EVPL: variants seen among roughly 807,000 people sequenced by gnomAD.
The protein encoded by EVPL is envoplakin.
In EVPL, 94 loss-of-function variants were observed where a neutral mutation model predicts 129.7. The ratio of observed to expected loss-of-function variants is 0.72; its 90% CI spans 0.61 to 0.86. The LOEUF (loss-of-function observed/expected upper bound fraction) is 0.86. EVPL is among the 40% of genes least tolerant of loss of function. EVPL has a pLI of 0.00. For synonymous variants in EVPL, 1,172 were observed against 1,191.1 expected (o/e 0.98, Z 0.33); for missense variants, 2,625 against 2,721.1 (o/e 0.96, Z 0.79).
At chr17:76,011,115 C>T (rs2066373572) in intron 21 of EVPL, among the ~76,000 whole-genome samples, 2 of 152,368 alleles carry the variant, frequency 1.3e-5, no homozygotes, top group South Asian at 4.1e-4. Context: ...CTCCCTGTCC[C>T]TCCAGAACCT....
At chr17:76,018,795 T>C in intron 11 of EVPL, 119 bp downstream of exon 11, 1 of 1,294,660 alleles carries the variant, frequency 7.7e-7, no homozygotes. Context: ...AGGGAAGGAG[T>C]AGGGCAAAAG....
At position 76,010,284 on chromosome 17, in the gene EVPL, C is replaced by T. The variant is rs765599017; in HGVS notation, c.2921G>A (p.Arg974Lys). ...RDPQLEGSLS[R>K]VKAQVEEEGK... is the part of the protein sequence containing the mutation. The stretch of plus-strand genomic sequence containing the variant: ...CTCCTCCTCCACCTGGGCCTTCACC[C>T]TGGACAGGCTGCCCTCCAGCTGGGG... The change falls in exon 22 of 22, where the codon AGG becomes AAG. Residue 974 changes from arginine to lysine, a missense_variant. Arg to Lys is a conservative substitution (Grantham distance 26). Transcript: ENST00000301607. 6.2e-7 allele frequency: 1 copy of T among 1,613,982 alleles called. No individual in the cohort carries two copies. The highest frequency in any genetic ancestry group is 1.7e-5 in the Admixed American group (1 of 60,014).
Position 76,007,248 on chromosome 17 carries a change from A to G in EVPL, c.5957T>C (p.Ile1986Thr), listed in dbSNP as rs145759378. Residue 1986 changes from isoleucine (I) to threonine (T), a missense_variant, in exon 22 of 22, where the codon ATC becomes ACC. Coordinates refer to ENST00000301607, the MANE Select transcript of EVPL (RefSeq NM_001988.4). The surrounding 1 kb of genome is among the most constrained non-coding windows in gnomAD (Gnocchi z 8.8). ...CTTGTAGCTCAGCCGTTCCTTGGAG[A>G]TGGGGTCTGTCAAATCCTTCTCGTA... The part of the protein sequence containing the change: ...SSYEKDLTDP[I>T]SKERLSYKEA... 8.3e-4 allele frequency: 1,297 copies of G among 1,568,346 alleles called. 7 individuals are homozygous for G. The African/African-American group carries it at 0.016, about 19-fold the overall frequency.
chr17:76,011,906 A>G lies in EVPL; in HGVS notation c.2458-24T>C, dbSNP rs777994331. 6 of 1,610,742 alleles carry G rather than the reference A, an allele frequency of 3.7e-6. No homozygotes were observed. In the South Asian group the frequency reaches 6.6e-5, roughly 18 times the overall value. On this transcript the variant is annotated intron_variant, in intron 19 of 21. Transcript: ENST00000301607. ...TCCTGAGCAGGGAGGAAAGGACAGC[A>G]GGCTGGCAACCAGTGGGGGAGGCTG... is the stretch of plus-strand genomic sequence containing the variant.
Position 76,007,472 on chromosome 17 carries a change from G to A in EVPL, c.5733C>T (p.Thr1911=), listed in dbSNP as rs758723132. The A allele has an allele frequency of 1.2e-6, 2 of 1,610,828 alleles. No individual in the cohort carries two copies. Among genetic ancestry groups the A allele is most frequent in the Admixed American group, 3.3e-5 (2 of 59,986 alleles). Residue 1911 remains threonine (T), a synonymous_variant, in exon 22 of 22, where the codon ACC becomes ACT. Coordinates refer to ENST00000301607, the MANE Select transcript of EVPL (RefSeq NM_001988.4). This position sits in a 1 kb window ranked among gnomAD's most constrained non-coding sequence, Gnocchi z 8.8. ...CCTCGCCCACCGAGAGCCTCTTCTT[G>A]GTGACGGGGTCCTCGATGCCGGTGA... is the stretch of plus-strand genomic sequence containing the variant. ...KAFTGIEDPV[T]KKRLSVGEAV...
chr17:76,027,123 CT>C lies in EVPL; in HGVS notation c.75del (p.Gly26AlafsTer44). ...TACCGGCTGTGCCTGCTGGGGGAGC[CT>C]TTGGGGGACCCCTTGGCGGGGGAGC... ...PKGSPAKGSP[K>X]GSPSRHSRAA... On this transcript the variant is annotated frameshift_variant, in exon 1 of 22. Transcript: ENST00000301607. LOFTEE classifies it high-confidence loss of function. The C allele has an allele frequency of 6.5e-7, 1 of 1,527,894 alleles. No individual in the cohort carries two copies. The highest frequency in any genetic ancestry group is 8.8e-7 in the Non-Finnish European group (1 of 1,140,452). 94.6% of individuals were successfully genotyped at this position (1,527,894 alleles called of 1,614,324 possible). A position where few individuals can be genotyped will look rare whatever the true frequency, so the allele number is the denominator to read the frequency against.
chr17:76,021,611 G>GGGCC, intron 8 of EVPL, 48 bp from the exon 9 acceptor site: 1 of 1,202,156 alleles, frequency 8.3e-7, no homozygotes, highest in Non-Finnish European at 1.1e-6. Context: ...CCCCACGTCC[G>GGGCC]CCCCACCTCC....
At position 76,023,000 on chromosome 17, in the gene EVPL, C is replaced by T. The variant is rs565276704; in HGVS notation, c.480+292G>A. 4.6e-5 allele frequency among the ~76,000 whole-genome samples: 7 copies of T among 152,262 alleles called. No individual in the cohort carries two copies. Among genetic ancestry groups the T allele is most frequent in the African/African-American group, 1.7e-4 (7 of 41,544 alleles). On this transcript the variant is annotated intron_variant, in intron 4 of 21. Transcript: ENST00000301607. This position sits in a 1 kb window ranked among gnomAD's most constrained non-coding sequence, Gnocchi z 5.6. ...CTGCCCAGAAATCCCCACTTCCCGT[C>T]GAAGCCCAGGCTTCCTCCTGGCAGG...
chr17:76,014,978 C>T lies in EVPL; in HGVS notation c.2160G>A (p.Gln720=), dbSNP rs147056306. The T allele has an allele frequency of 6.3e-6, 10 of 1,596,930 alleles. No homozygotes were observed. The South Asian group carries it at 8.8e-5, about 14-fold the overall frequency. The change falls in exon 17 of 22, where the codon CAG becomes CAA. Residue 720 remains glutamine, a synonymous_variant. Coordinates refer to ENST00000301607, the MANE Select transcript of EVPL (RefSeq NM_001988.4). ...CGGTGAGGGCTCGCACCTGGCGCTG[C>T]TGGCGAGGCAGGTCTTGGCAGAACT... ...FQEFCQDLPR[Q]QRQVRALTDR...
In EVPL at chr17:76,017,599, T is replaced by G. The variant is rs2144421978; in HGVS notation, c.1710+140A>C. On this transcript the variant is annotated intron_variant, in intron 14 of 21. Transcript: ENST00000301607. ...GGAGGAGCCAGGAGGGGAACCAGCT[T>G]GTCTGAGCCCGGGTCTGTCCACACC... The G allele has an allele frequency of 5.8e-6, 7 of 1,217,016 alleles. No homozygotes were observed. The East Asian group carries it at 1.8e-4, about 31-fold the overall frequency. The allele number at this position is 1,217,016 out of a possible 1,614,324, so 75.4% of individuals were successfully genotyped here. A position where few individuals can be genotyped will look rare whatever the true frequency, so the allele number is the denominator to read the frequency against.
intron 21 of EVPL, among the ~76,000 whole-genome samples, chr17:76,011,056 C>T (rs140633180): frequency 0.04 from 6,141 of 151,878 alleles, 415 homozygotes; most frequent in African/African-American, 0.14. Flanking sequence ...AGCGAGACTC[C>T]GTCTCAAAAA....
chr17:76,021,954 G>C lies in EVPL; in HGVS notation c.720C>G (p.Ser240Arg). The C allele has an allele frequency of 6.4e-7, 1 of 1,560,404 alleles. No individual in the cohort carries two copies. The highest frequency in any genetic ancestry group is 8.6e-7 in the Non-Finnish European group (1 of 1,160,376). ...THLQGCTRQL[S>R]ALAEQQRRIL... is the part of the protein sequence containing the mutation. Reference sequence around the variant, plus strand: ...TGCGGCGCTGCTGCTCAGCCAGGGCGCTCAGCTGCCGCGTGCAGCCCTGGA... The same window carrying C: ...TGCGGCGCTGCTGCTCAGCCAGGGCCCTCAGCTGCCGCGTGCAGCCCTGGA... Residue 240 changes from serine (S) to arginine (R), a missense_variant, in exon 7 of 22, where the codon AGC becomes AGG. Physicochemically the swap from Ser to Arg is moderately radical, Grantham distance 110. Transcript: ENST00000301607.
Position 76,019,622 on chromosome 17 carries a change from G to T in EVPL, c.1043C>A (p.Thr348Asn), listed in dbSNP as rs2066443684. ...FQEEADSVSQ[T>N]LAKLNSNLDA... ...CAAGTTGGAGTTGAGCTTCGCCAGG[G>T]TCTGGCTGACTGAGTCGGCCTCTTC... Residue 348 changes from threonine (T) to asparagine (N), a missense_variant, in exon 10 of 22, where the codon ACC (threonine) becomes AAC (asparagine). By Grantham distance (65) the Thr-to-Asn change is moderately conservative. This residue lies in a region of EVPL where 1,024 missense variants were observed against 997.5 expected (regional missense o/e 1.03). Transcript: ENST00000301607. 1.9e-6 allele frequency: 3 copies of T among 1,610,676 alleles called. No homozygotes were observed. The East Asian group carries it at 6.8e-5, about 36-fold the overall frequency.
chr17:76,008,194 G>C lies in EVPL; in HGVS notation c.5011C>G (p.Leu1671Val), dbSNP rs779607181. Reference sequence around the variant, plus strand: ...TCTCGCGTCTGGGTCTCCTGGCTGAGCTCCTCCCGGCTCACCTTGGCGTGG... The same window carrying C: ...TCTCGCGTCTGGGTCTCCTGGCTGACCTCCTCCCGGCTCACCTTGGCGTGG... ...DLHAKVSREE[L>V]SQETQTRETN... is the part of the protein sequence containing the mutation. Residue 1671 changes from leucine (L) to valine (V), a missense_variant, in exon 22 of 22, where the codon CTC becomes GTC. Around this residue, in one of 4 missense-constraint regions of EVPL, gnomAD observed 1,453 missense variants for 1,511.8 expected, o/e 0.96. Coordinates refer to ENST00000301607, the MANE Select transcript of EVPL (RefSeq NM_001988.4). This position sits in a 1 kb window ranked among gnomAD's most constrained non-coding sequence, Gnocchi z 7.4. The C allele has an allele frequency of 1.9e-6, 3 of 1,614,136 alleles. No individual in the cohort carries two copies. In the Middle Eastern group the frequency reaches 4.9e-4, roughly 266 times the overall value.
At chr17:76,020,861 C>T (rs1268495797) in intron 9 of EVPL, among the ~76,000 whole-genome samples, 1 of 151,936 alleles carries the variant, frequency 6.6e-6, no homozygotes, top group African/African-American at 2.4e-5. Context: ...CTGGCCCCCA[C>T]GAAATTTTAA....
At position 76,022,496 on chromosome 17, in the gene EVPL, G is replaced by C; in HGVS notation, c.523C>G (p.Leu175Val). Residue 175 changes from leucine (L) to valine (V), a missense_variant, in exon 5 of 22, where the codon CTG becomes GTG. By Grantham distance (32) the Leu-to-Val change is conservative. This residue lies in a region of EVPL where 1,024 missense variants were observed against 997.5 expected (regional missense o/e 1.03). Transcript: ENST00000301607. This position sits in a 1 kb window ranked among gnomAD's most constrained non-coding sequence, Gnocchi z 5.6. ...TTGTGCTCGGCGATCTGTTGCTCCA[G>C]CTCCGCCATGCCCGGCCCGTACTGG... ...AGQYGPGMAELEQQIAEHNIL... is the reference protein window; with the variant it reads ...AGQYGPGMAEVEQQIAEHNIL... 3 of 1,611,902 alleles carry C rather than the reference G, an allele frequency of 1.9e-6. No homozygotes were observed. In the East Asian group the frequency reaches 6.7e-5, roughly 36 times the overall value.
rs1350737783 is a variant in EVPL, at chr17:76,018,567, C to T, written c.1318G>A (p.Val440Ile). ...CAGGCGTGCGGGTCAGTGTTATCTA[C>T]CAGCTTATACCGCTCACCCTGCAGC... ...QLLQGERYKLVDNTDPHAWVV... is the reference protein window; with the variant it reads ...QLLQGERYKLIDNTDPHAWVV... Residue 440 changes from valine to isoleucine, a missense_variant, in exon 12 of 22, where the codon GTA becomes ATA. By Grantham distance (29) the Val-to-Ile change is conservative. Transcript: ENST00000301607. The T allele has an allele frequency of 6.2e-7, 1 of 1,608,706 alleles. No homozygotes were observed. The highest frequency in any genetic ancestry group is 8.5e-7 in the Non-Finnish European group (1 of 1,177,656).
chr17:76,009,244 C>G lies in EVPL; in HGVS notation c.3961G>C (p.Glu1321Gln). The G allele has an allele frequency of 5.0e-6, 8 of 1,607,834 alleles. No individual in the cohort carries two copies. Among genetic ancestry groups the G allele is most frequent in the Non-Finnish European group, 6.8e-6 (8 of 1,179,914 alleles). ...TCTTTCTCCAGCACCGGGTCCTTCT[C>G]GTGGCGCACCACCTCCTTGCTCACC... ...KTVSKEVVRH[E>Q]KDPVLEKEAE... The change falls in exon 22 of 22, where the codon GAG becomes CAG. Residue 1321 changes from glutamate (E) to glutamine (Q), a missense_variant. Physicochemically the swap from Glu to Gln is conservative, Grantham distance 29 (BLOSUM62 2). Transcript: ENST00000301607. The surrounding 1 kb of genome is among the most constrained non-coding windows in gnomAD (Gnocchi z 5.9).
At chr17:76,014,228 T>C (rs1037089278) in intron 18 of EVPL, among the ~76,000 whole-genome samples, 198 bp downstream of exon 18, 2 of 152,174 alleles carry the variant, frequency 1.3e-5, no homozygotes, top group Admixed American at 6.5e-5. Flanking sequence ...CCTGAGCTTG[T>C]AAATCCCACT....
Sources: allele counts gnomAD v4.1 joint callset (sites outside exome capture counted in the v4.1 genomes callset), GRCh38; gene constraint gnomAD v4.1.1; regional missense constraint gnomAD v4.1.1; non-coding constraint Gnocchi (gnomAD v3.1); transcripts MANE v1.5; gene names NCBI Gene and HGNC (gene_info 2026-07-23, HGNC 2026-07-21).